GRHL2: variants seen among roughly 807,000 people sequenced by gnomAD.
GRHL2 encodes grainyhead like transcription factor 2.
GRHL2 carries 21 observed loss-of-function variants against 83.8 expected under a neutral mutation model. The ratio of observed to expected loss-of-function variants is 0.25; its 90% CI spans 0.18 to 0.36. GRHL2 has a LOEUF of 0.36. Among genes scored for constraint, GRHL2 ranks in the 10% least tolerant of loss-of-function variants. GRHL2 has a pLI of 1.00. For missense variants in GRHL2, 623 were observed against 781.8 expected, an observed-to-expected ratio of 0.80 and a Z score of 2.42; for synonymous variants, 280 against 278.9, an observed-to-expected ratio of 1.00 and a Z score of -0.04.
chr8:101,537,298 A>T (rs975533701), intron 1 of GRHL2, among the ~76,000 whole-genome samples: 2 of 152,222 alleles, frequency 1.3e-5, no homozygotes, highest in Non-Finnish European at 2.9e-5. Flanking sequence ...AAGAACAATG[A>T]TGTAGAGAAA....
At chr8:101,624,129 CAGT>C (rs1275271489) in intron 9 of GRHL2, among the ~76,000 whole-genome samples, 5 of 144,878 alleles carry the variant, frequency 3.5e-5, no homozygotes, top group South Asian at 4.3e-4. Context: ...GGACAGTACA[CAGT>C]AGGACAGTTC....
intron 8 of GRHL2, among the ~76,000 whole-genome samples, chr8:101,612,449 T>C (rs1311702778): frequency 6.6e-6 from 1 of 150,414 alleles, no homozygotes; most frequent in Non-Finnish European, 1.5e-5. Flanking sequence ...CCTCTATATA[T>C]AGCATCTTCA....
At chr8:101,530,953 G>T (rs571754124) in intron 1 of GRHL2, among the ~76,000 whole-genome samples, 5 of 152,288 alleles carry the variant, frequency 3.3e-5, no homozygotes, top group African/African-American at 1.2e-4. Flanking sequence ...CTCCGAGGTT[G>T]TGCGTGGTGG....
chr8:101,531,692 C>T (rs745752673), intron 1 of GRHL2, among the ~76,000 whole-genome samples: 4 of 152,034 alleles, frequency 2.6e-5, no homozygotes, highest in Non-Finnish European at 5.9e-5. Context: ...ATATCCTTCT[C>T]ATTGTTTCTA....
At chr8:101,506,835 C>CAA (rs10688299) in intron 1 of GRHL2, among the ~76,000 whole-genome samples, 96,390 of 147,032 alleles carry the variant, frequency 0.66, 33,373 homozygotes, top group Non-Finnish European at 0.79. Context: ...ATTTGCAAGG[C>CAA]AAAAAAAAAA....
intron 8 of GRHL2, among the ~76,000 whole-genome samples, chr8:101,617,324 G>T (rs1812876461): frequency 6.6e-6 from 1 of 151,884 alleles, no homozygotes; most frequent in Non-Finnish European, 1.5e-5. Flanking sequence ...GTGTGGATGT[G>T]GTACCCCACT....
At chr8:101,530,786 T>G (rs1270107035) in intron 1 of GRHL2, among the ~76,000 whole-genome samples, 2 of 152,206 alleles carry the variant, frequency 1.3e-5, no homozygotes, top group Admixed American at 6.5e-5. Context: ...TTGCATAATT[T>G]CTCTATTACT....
At chr8:101,528,003 T>C (rs1810842303) in intron 1 of GRHL2, among the ~76,000 whole-genome samples, 1 of 152,218 alleles carries the variant, frequency 6.6e-6, no homozygotes, top group African/African-American at 2.4e-5. Flanking sequence ...AGGATATGAA[T>C]AGAAGTGCCA....
chr8:101,666,543 G>T lies in GRHL2; in HGVS notation c.1764-46G>T, dbSNP rs192662762. On this transcript the variant is annotated intron_variant, in intron 15 of 15. Coordinates refer to ENST00000646743, the MANE Select transcript of GRHL2 (RefSeq NM_024915.4). Reference sequence around the variant, plus strand: ...GAGCTCCCCTTGCCCTGGGCACATTGTTCACGGCGTCTTTGTTTTTCACAC... The same window carrying T: ...GAGCTCCCCTTGCCCTGGGCACATTTTTCACGGCGTCTTTGTTTTTCACAC... 3.3e-5 allele frequency: 38 copies of T among 1,147,448 alleles called. No homozygotes were observed. In the African/African-American group the frequency reaches 4.4e-4, roughly 13 times the overall value. The allele number at this position is 1,147,448 out of a possible 1,614,324, so 71.1% of individuals were successfully genotyped here.
intron 1 of GRHL2, among the ~76,000 whole-genome samples, chr8:101,518,123 G>C (rs936265192): frequency 6.6e-6 from 1 of 152,108 alleles, no homozygotes. Context: ...ACTCTTCTGT[G>C]AATCTTCCCC....
chr8:101,656,987 A>G (rs528405235), intron 14 of GRHL2, among the ~76,000 whole-genome samples: 14 of 152,040 alleles, frequency 9.2e-5, no homozygotes, highest in Admixed American at 4.6e-4. Flanking sequence ...AGGGATAGGG[A>G]TGTTCTCTCT....
chr8:101,594,514 C>T lies in GRHL2; in HGVS notation c.1004-4543C>T, dbSNP rs375586731. Among the ~76,000 whole-genome samples, 6 of 152,332 alleles carry T rather than the reference C, an allele frequency of 3.9e-5. No homozygotes were observed. In the East Asian group the frequency reaches 1.2e-3, roughly 29 times the overall value. On this transcript the variant is annotated intron_variant, in intron 7 of 15. Transcript: ENST00000646743. The stretch of plus-strand genomic sequence containing the variant: ...ACCCAGCTTTCAGAAACCAGAGGCA[C>T]ATCTGTTACCATTTTATTTGTCGGA...
chr8:101,569,572 C>T (rs191570586), intron 4 of GRHL2, among the ~76,000 whole-genome samples: 20 of 152,254 alleles, frequency 1.3e-4, no homozygotes, highest in Admixed American at 6.5e-4. Flanking sequence ...TGGGCTCAAG[C>T]GATGCTTCCG....
intron 1 of GRHL2, among the ~76,000 whole-genome samples, chr8:101,521,015 G>C (rs943644642): frequency 4.6e-5 from 7 of 152,246 alleles, no homozygotes; most frequent in Non-Finnish European, 5.9e-5. Flanking sequence ...TGAGTTCTTC[G>C]TGATGAATAA....
intron 2 of GRHL2, 79 bp from the exon 3 acceptor site, chr8:101,552,636 G>T (rs1455770355): frequency 7.3e-7 from 1 of 1,366,590 alleles, no homozygotes; most frequent in Admixed American, 1.7e-5. Flanking sequence ...TGGTTTCTTT[G>T]CTTATGCCGG....
intron 13 of GRHL2, among the ~76,000 whole-genome samples, chr8:101,646,290 A>T (rs1392156091): frequency 2.6e-5 from 4 of 152,212 alleles, no homozygotes; most frequent in African/African-American, 9.6e-5. Flanking sequence ...AGAATCACGG[A>T]ATCACACAGG....
intron 7 of GRHL2, among the ~76,000 whole-genome samples, chr8:101,591,864 CT>C (rs879616219): frequency 1.3e-5 from 2 of 152,142 alleles, no homozygotes; most frequent in Non-Finnish European, 2.9e-5. Flanking sequence ...ATGACAATGT[CT>C]TTATCCAAAG....
At chr8:101,532,646 G>A (rs747756838) in intron 1 of GRHL2, among the ~76,000 whole-genome samples, 28 of 151,672 alleles carry the variant, frequency 1.8e-4, no homozygotes, top group Admixed American at 4.6e-4. Context: ...GCTACTCGGC[G>A]GGGGGGCTGA....
intron 2 of GRHL2, among the ~76,000 whole-genome samples, chr8:101,551,623 AAAAGAAAG>A (rs534207443): frequency 2.6e-5 from 4 of 151,332 alleles, no homozygotes; most frequent in Admixed American, 2.0e-4. Context: ...AGAGCAAAAA[AAAAGAAAG>A]AAAGAAAGAA....
Sources: gnomAD v4.1 joint callset for allele counts (sites outside exome capture counted in the v4.1 genomes callset) on GRCh38, gnomAD v4.1.1 for gene constraint, MANE v1.5 for transcripts, NCBI Gene and HGNC (gene_info 2026-07-23, HGNC 2026-07-21) for gene names.